The following ARFGEF3 variants were observed in gnomAD, a reference collection of about 807,000 sequenced individuals.
The protein encoded by ARFGEF3 is brefeldin A-inhibited guanine nucleotide-exchange protein 3.
In ARFGEF3, 96 loss-of-function variants were observed where a neutral mutation model predicts 221.7. That is an observed-to-expected ratio of 0.43 (90% confidence interval 0.37 to 0.51). The LOEUF (loss-of-function observed/expected upper bound fraction) is 0.51, where lower values mean the gene tolerates loss of function less well. Among genes scored for constraint, ARFGEF3 ranks in the 20% least tolerant of loss-of-function variants. The pLI is 0.00. For synonymous variants in ARFGEF3, 1,145 were observed against 1,126.8 expected, an observed-to-expected ratio of 1.02 and a Z score of -0.32; for missense variants, 2,410 against 2,789.9, an observed-to-expected ratio of 0.86 and a Z score of 3.07.
At chr6:138,221,833 A>T (rs1241990113) in intron 4 of ARFGEF3, among the ~76,000 whole-genome samples, 1 of 152,208 alleles carries the variant, frequency 6.6e-6, no homozygotes, top group Non-Finnish European at 1.5e-5. Flanking sequence ...AAGATTTTCC[A>T]CCTTGAGTAT....
chr6:138,175,830 C>A (rs1776934442), intron 2 of ARFGEF3, among the ~76,000 whole-genome samples: 1 of 152,164 alleles, frequency 6.6e-6, no homozygotes, highest in Admixed American at 6.6e-5. Context: ...GTGTCTAATG[C>A]TGTGAGTGGG....
chr6:138,246,941 T>C (rs1778495503), intron 8 of ARFGEF3, among the ~76,000 whole-genome samples: 1 of 152,222 alleles, frequency 6.6e-6, no homozygotes, highest in Admixed American at 6.5e-5. Flanking sequence ...GTAACCATTT[T>C]ACTATATATA....
At chr6:138,234,957 C>T (rs1778257927) in intron 5 of ARFGEF3, among the ~76,000 whole-genome samples, 1 of 152,148 alleles carries the variant, frequency 6.6e-6, no homozygotes, top group African/African-American at 2.4e-5. Flanking sequence ...AAACTAAGCA[C>T]ATTTTTATTG....
At chr6:138,184,423 C>A (rs1347927120) in intron 2 of ARFGEF3, among the ~76,000 whole-genome samples, 1 of 152,088 alleles carries the variant, frequency 6.6e-6, no homozygotes, top group East Asian at 1.9e-4. Context: ...AGTAAACAGG[C>A]TTGCAGTTTT....
chr6:138,317,919 A>G (rs1779955068), intron 27 of ARFGEF3, among the ~76,000 whole-genome samples: 1 of 152,206 alleles, frequency 6.6e-6, no homozygotes, highest in Non-Finnish European at 1.5e-5. Flanking sequence ...AGTATGAGAA[A>G]AGAATGACTT....
At chr6:138,249,376 C>A (rs1223078252) in intron 8 of ARFGEF3, among the ~76,000 whole-genome samples, 3 of 152,220 alleles carry the variant, frequency 2.0e-5, no homozygotes, top group Non-Finnish European at 4.4e-5. Flanking sequence ...GTCGCCCAGG[C>A]TGGAGTGCAG....
At chr6:138,190,627 C>A (rs1300735736) in intron 2 of ARFGEF3, among the ~76,000 whole-genome samples, 1 of 152,158 alleles carries the variant, frequency 6.6e-6, no homozygotes, top group East Asian at 1.9e-4. Context: ...GTGAAGGGTA[C>A]AGATTTTTCT....
At chr6:138,180,091 G>A (rs756724144) in intron 2 of ARFGEF3, among the ~76,000 whole-genome samples, 3 of 152,196 alleles carry the variant, frequency 2.0e-5, no homozygotes, top group Non-Finnish European at 4.4e-5. Flanking sequence ...GGAGTTACAG[G>A]TGTGAACCAC....
Position 138,311,522 on chromosome 6 carries a change from G to A in ARFGEF3, c.4200+12G>A. The A allele has an allele frequency of 6.4e-7, 1 of 1,565,374 alleles. No homozygotes were observed. Among genetic ancestry groups the A allele is most frequent in the East Asian group, 2.3e-5 (1 of 43,012 alleles). On this transcript the variant is annotated intron_variant, in intron 25 of 33. Coordinates refer to ENST00000251691, the MANE Select transcript of ARFGEF3 (RefSeq NM_020340.5). ...GGCGCTGCTCTCAGGTAGGGGAATG[G>A]TCCAGCTGGGCTCCCGGCCTGGAAA... is the stretch of plus-strand genomic sequence containing the variant.
chr6:138,237,179 CT>C (rs1377938889), intron 5 of ARFGEF3, among the ~76,000 whole-genome samples: 17 of 152,120 alleles, frequency 1.1e-4, no homozygotes, highest in Non-Finnish European at 2.2e-4. Context: ...AATTCTCCAG[CT>C]TAAGCAGAAG....
At chr6:138,216,951 T>C (rs1777876193) in intron 4 of ARFGEF3, 1 of 152,220 alleles carries the variant, frequency 6.6e-6, no homozygotes, top group African/African-American at 2.4e-5. Context: ...TGAGAATCTT[T>C]TTCTACTTTG....
rs147463468 is a variant in ARFGEF3 at position 138,229,454 on chromosome 6, A to G, written c.352-330A>G. ...TAGCATTAAGCCTGGCATTTTTAAA[A>G]TGACTGCTACTAAACAACTCTTTTG... On this transcript the variant is annotated intron_variant, in intron 4 of 33. Transcript: ENST00000251691. Among the ~76,000 whole-genome samples the G allele has an allele frequency of 7.2e-4, 110 of 152,348 alleles. 1 individual carries two copies. Among genetic ancestry groups the G allele is most frequent in the African/African-American group, 2.6e-3 (109 of 41,572 alleles).
chr6:138,335,260 A>AGCT lies in ARFGEF3; in HGVS notation c.6342+74_6342+75insTGC, dbSNP rs1487188055. The AGCT allele has an allele frequency of 7.1e-6, 10 of 1,415,972 alleles. No individual in the cohort carries two copies. In the Admixed American group the frequency reaches 1.3e-4, roughly 19 times the overall value. 87.7% of individuals were successfully genotyped at this position (1,415,972 alleles called of 1,614,324 possible). A position where few individuals can be genotyped will look rare whatever the true frequency, so the allele number is the denominator to read the frequency against. On this transcript the variant is annotated intron_variant, in intron 33 of 33. Transcript: ENST00000251691. ...GTACTGGATGGGCCCCCCCTTGCAG[A>AGCT]GCAGGCATACACAGGCTAAGATTTA...
At chr6:138,227,173 T>C (rs1287668853) in intron 4 of ARFGEF3, among the ~76,000 whole-genome samples, 1 of 145,320 alleles carries the variant, frequency 6.9e-6, no homozygotes, top group African/African-American at 2.8e-5. Context: ...GCAGGTATCC[T>C]CAGCTTCTGT....
intron 12 of ARFGEF3, among the ~76,000 whole-genome samples, chr6:138,273,484 A>G (rs1339920147): frequency 6.6e-6 from 1 of 152,254 alleles, no homozygotes; most frequent in Non-Finnish European, 1.5e-5. Context: ...GTTAAAGGTC[A>G]TAGTTCTTAT....
At chr6:138,260,547 T>G (rs140368402) in intron 10 of ARFGEF3, among the ~76,000 whole-genome samples, 1 of 152,308 alleles carries the variant, frequency 6.6e-6, no homozygotes, top group East Asian at 1.9e-4. Context: ...TGGGAGGATA[T>G]GTATAGCTTT....
chr6:138,177,168 C>A (rs1425724268), intron 2 of ARFGEF3, among the ~76,000 whole-genome samples: 1 of 151,972 alleles, frequency 6.6e-6, no homozygotes. Flanking sequence ...CAGCTCACTG[C>A]AACCTCTGCC....
At chr6:138,164,225 C>CG (rs1426388244) in intron 1 of ARFGEF3, among the ~76,000 whole-genome samples, 1 of 135,766 alleles carries the variant, frequency 7.4e-6, no homozygotes, top group African/African-American at 3.3e-5. Flanking sequence ...CTCTTCAACC[C>CG]CCCAATTTAT....
At chr6:138,285,815 A>G in intron 14 of ARFGEF3, 131 bp from the exon 15 acceptor site, 1 of 613,596 alleles carries the variant, frequency 1.6e-6, no homozygotes, top group Non-Finnish European at 2.9e-6. Context: ...AGTCTCATTA[A>G]AGGTTGCTAC....
Sources: gnomAD v4.1 joint callset for allele counts (sites outside exome capture counted in the v4.1 genomes callset) on GRCh38, gnomAD v4.1.1 for gene constraint, MANE v1.5 for transcripts, NCBI Gene and HGNC (gene_info 2026-07-23, HGNC 2026-07-21) for gene names.